DPYD: variants seen among roughly 807,000 people sequenced by gnomAD.
DPYD encodes the protein dihydropyrimidine dehydrogenase, also known as dihydropyrimidine dehydrogenase [NADP(+)].
DPYD carries 109 observed loss-of-function variants against 116.2 expected under a neutral mutation model. That is an observed-to-expected ratio of 0.94 (90% CI 0.80 to 1.10). DPYD has a LOEUF of 1.10. Ranked by LOEUF, DPYD falls within the 50% of genes least tolerant of loss-of-function variation. DPYD has a pLI of 0.00. For missense variants in DPYD, 1,302 were observed against 1,254.5 expected (o/e 1.04, Z -0.57); for synonymous variants, 440 against 432.0 (o/e 1.02, Z -0.23).
At chr1:97,246,983 C>G (rs1049590252) in intron 18 of DPYD, among the ~76,000 whole-genome samples, 12 of 151,986 alleles carry the variant, frequency 7.9e-5, no homozygotes, top group African/African-American at 2.9e-4. Flanking sequence ...CTGTCTGCAG[C>G]CTTTCTAGAG....
chr1:97,628,166 T>G (rs1317761243), intron 8 of DPYD, among the ~76,000 whole-genome samples: 1 of 152,074 alleles, frequency 6.6e-6, no homozygotes, highest in South Asian at 2.1e-4. Flanking sequence ...TGATAAGTAC[T>G]TGTTTCCTAG....
rs181202695 is a variant in DPYD at position 97,401,842 on chromosome 1, T to C, written c.1906-19381A>G. ...GTGTCTAGATTAATTTTTTGTTGCA[T>C]GTGAACATGCAGTTGTTCCAGCACC... On this transcript the variant is annotated intron_variant, in intron 14 of 22. Transcript: ENST00000370192. Among the ~76,000 whole-genome samples the C allele has an allele frequency of 1.3e-4, 20 of 152,300 alleles. No individual in the cohort carries two copies. In the East Asian group the frequency reaches 3.9e-3, roughly 29 times the overall value.
rs558080814 is a variant in DPYD at position 97,502,659 on chromosome 1, A to G, written c.1740+13067T>C. On this transcript the variant is annotated intron_variant, in intron 13 of 22. Coordinates refer to ENST00000370192, the MANE Select transcript of DPYD (RefSeq NM_000110.4). ...GACTCTTTTAGGAAGCTGGTATACT[A>G]TTCTGTGAGAAATGATGGGGGCTGT... Among the ~76,000 whole-genome samples the G allele has an allele frequency of 2.8e-4, 43 of 152,106 alleles. 2 individuals carry two copies. The highest frequency in any genetic ancestry group is 1.0e-3 in the African/African-American group (42 of 41,538).
intron 1 of DPYD, among the ~76,000 whole-genome samples, chr1:97,893,277 C>T (rs1164591908): frequency 1.3e-5 from 2 of 151,102 alleles, no homozygotes. Flanking sequence ...GAAACCAAAT[C>T]ACTGACTGAG....
chr1:97,696,392 A>C (rs550801173), intron 6 of DPYD, among the ~76,000 whole-genome samples: 1 of 152,248 alleles, frequency 6.6e-6, no homozygotes, highest in Non-Finnish European at 1.5e-5. Flanking sequence ...AGAATAGAGA[A>C]AGAGGTCAGG....
At position 97,450,069 on chromosome 1, in the gene DPYD, A is replaced by G; in HGVS notation, c.1895T>C (p.Phe632Ser). Residue 632 changes from phenylalanine to serine, a missense_variant, in exon 14 of 23, where the codon TTT (phenylalanine) becomes TCT (serine). Physicochemically the swap from Phe to Ser is radical, Grantham distance 155. Coordinates refer to ENST00000370192, the MANE Select transcript of DPYD (RefSeq NM_000110.4). Reference protein sequence around the residue: ...CQSVTELKADFPDNIVIASIM... With the variant: ...CQSVTELKADSPDNIVIASIM... Reference sequence around the variant, plus strand: ...TTAAATCACACTTACGTTGTCTGGAAAGTCAGCCTTTAGTTCAGTGACACT... The same window carrying G: ...TTAAATCACACTTACGTTGTCTGGAGAGTCAGCCTTTAGTTCAGTGACACT... 1 of 1,613,898 alleles carries G rather than the reference A, an allele frequency of 6.2e-7. No individual in the cohort carries two copies. Among genetic ancestry groups the G allele is most frequent in the Non-Finnish European group, 8.5e-7 (1 of 1,179,840 alleles).
chr1:97,543,980 C>T (rs1650639016), intron 12 of DPYD, among the ~76,000 whole-genome samples: 1 of 152,118 alleles, frequency 6.6e-6, no homozygotes, highest in Non-Finnish European at 1.5e-5. Flanking sequence ...GGGAAAGGCC[C>T]AGATTCAGGA....
chr1:97,243,414 C>T (rs922497001), intron 18 of DPYD, among the ~76,000 whole-genome samples: 3 of 151,884 alleles, frequency 2.0e-5, no homozygotes, highest in African/African-American at 7.2e-5. Flanking sequence ...ATTTCTGTCT[C>T]TATTTTTATA....
At chr1:97,131,512 A>C (rs986009566) in intron 20 of DPYD, among the ~76,000 whole-genome samples, 7 of 152,192 alleles carry the variant, frequency 4.6e-5, no homozygotes, top group Non-Finnish European at 8.8e-5. Context: ...AAGAAGATCA[A>C]AGAGCATGCA....
At chr1:97,471,311 C>T (rs1266833992) in intron 13 of DPYD, among the ~76,000 whole-genome samples, 1 of 151,676 alleles carries the variant, frequency 6.6e-6, no homozygotes, top group Non-Finnish European at 1.5e-5. Flanking sequence ...AAAAAAAACC[C>T]GAAAAACAAA....
chr1:97,462,824 G>A (rs1405570739), intron 13 of DPYD, among the ~76,000 whole-genome samples: 1 of 152,120 alleles, frequency 6.6e-6, no homozygotes, highest in African/African-American at 2.4e-5. Flanking sequence ...CCTGATCTAG[G>A]AGAGAATTAA....
At chr1:97,687,133 T>A (rs897868960) in intron 7 of DPYD, among the ~76,000 whole-genome samples, 5 of 152,058 alleles carry the variant, frequency 3.3e-5, no homozygotes, top group Admixed American at 2.0e-4. Context: ...TAGCCACGTG[T>A]GGTGGCAGCC....
At chr1:97,164,285 T>C (rs1336743712) in intron 20 of DPYD, among the ~76,000 whole-genome samples, 1 of 152,050 alleles carries the variant, frequency 6.6e-6, no homozygotes, top group Admixed American at 6.6e-5. Flanking sequence ...CTCAAAATAA[T>C]AAGATCCATA....
At chr1:97,682,119 T>C (rs764866605) in intron 7 of DPYD, among the ~76,000 whole-genome samples, 1 of 152,034 alleles carries the variant, frequency 6.6e-6, no homozygotes, top group Non-Finnish European at 1.5e-5. Context: ...TTTTGTAATA[T>C]ATAAGAAAGA....
rs563783211 is a variant in DPYD at position 97,775,746 on chromosome 1, T to C, written c.234-35267A>G. On this transcript the variant is annotated intron_variant, in intron 3 of 22. Transcript: ENST00000370192. Reference sequence around the variant, plus strand: ...TGTGAGAGCAGGTGCAATGTTTGCTTTGTTTATTGCTGTATTTCCAGAAAA... The same window carrying C: ...TGTGAGAGCAGGTGCAATGTTTGCTCTGTTTATTGCTGTATTTCCAGAAAA... Among the ~76,000 whole-genome samples the C allele has an allele frequency of 7.9e-5, 12 of 152,256 alleles. No homozygotes were observed. In the South Asian group the frequency reaches 2.5e-3, roughly 32 times the overall value.
chr1:97,385,452 A>G (rs1188452103), intron 14 of DPYD, among the ~76,000 whole-genome samples: 4 of 151,740 alleles, frequency 2.6e-5, no homozygotes, highest in African/African-American at 9.7e-5. Flanking sequence ...AGAAAAAATT[A>G]GCTATTAGAT....
chr1:97,369,730 G>A (rs1671220639), intron 16 of DPYD, among the ~76,000 whole-genome samples: 1 of 152,274 alleles, frequency 6.6e-6, no homozygotes, highest in East Asian at 1.9e-4. Flanking sequence ...AAGCATCAGG[G>A]TTATTGACAC....
At chr1:97,607,425 T>C (rs1264965804) in intron 8 of DPYD, among the ~76,000 whole-genome samples, 8 of 152,030 alleles carry the variant, frequency 5.3e-5, no homozygotes, top group African/African-American at 1.4e-4. Context: ...GTGTTGTTCC[T>C]TTTTGGACAT....
chr1:97,490,111 C>T (rs575582679), intron 13 of DPYD, among the ~76,000 whole-genome samples: 15 of 151,858 alleles, frequency 9.9e-5, no homozygotes, highest in African/African-American at 3.1e-4. Context: ...AAAACTTACA[C>T]GAAATGGTAT....
Sources: gnomAD v4.1 joint callset for allele counts (sites outside exome capture counted in the v4.1 genomes callset) on GRCh38, gnomAD v4.1.1 for gene constraint, MANE v1.5 for transcripts, NCBI Gene and HGNC (gene_info 2026-07-23, HGNC 2026-07-21) for gene names.